Variants in FANCC observed in about 807,000 individuals in gnomAD.
FANCC encodes the protein FA complementation group C.
Under a neutral mutation model 71.3 loss-of-function variants are expected in FANCC, and 55 were observed. That is an observed-to-expected ratio of 0.77 (90% CI 0.62 to 0.97). FANCC has a LOEUF of 0.97. Ranked by LOEUF, FANCC falls within the 50% of genes least tolerant of loss-of-function variation. The probability of loss-of-function intolerance (pLI) is 0.00; values close to 1 mark genes in which losing one functional copy is unlikely to be tolerated. For missense variants in FANCC, 678 were observed against 670.9 expected, an observed-to-expected ratio of 1.01 and a Z score of -0.12; for synonymous variants, 275 against 244.9, an observed-to-expected ratio of 1.12 and a Z score of -1.15.
At chr9:95,161,406 A>G (rs888462776) in intron 6 of FANCC, among the ~76,000 whole-genome samples, 3 of 152,208 alleles carry the variant, frequency 2.0e-5, no homozygotes, top group Non-Finnish European at 2.9e-5. Flanking sequence ...TGATCTTCCC[A>G]TAATTATTGG....
chr9:95,279,349 A>G (rs543560134), intron 1 of FANCC, among the ~76,000 whole-genome samples: 120 of 151,518 alleles, frequency 7.9e-4, no homozygotes, highest in African/African-American at 2.8e-3. Context: ...AATCAAAAAT[A>G]GAAAAATTAG....
chr9:95,238,756 A>G (rs1403210498), intron 4 of FANCC, among the ~76,000 whole-genome samples: 2 of 151,946 alleles, frequency 1.3e-5, no homozygotes, highest in Non-Finnish European at 2.9e-5. Context: ...TAGTAGAGAC[A>G]AGGTTTCACC....
chr9:95,281,403 AT>A (rs1451873822), intron 1 of FANCC, among the ~76,000 whole-genome samples: 11 of 152,124 alleles, frequency 7.2e-5, no homozygotes, highest in Non-Finnish European at 7.4e-5. Flanking sequence ...AGAAAAAAAA[AT>A]TAAAACTATC....
intron 1 of FANCC, among the ~76,000 whole-genome samples, chr9:95,267,954 G>C (rs1832485475): frequency 6.6e-6 from 1 of 152,170 alleles, no homozygotes; most frequent in African/African-American, 2.4e-5. Flanking sequence ...CACATCACTG[G>C]ATCTGCAGCA....
intron 4 of FANCC, among the ~76,000 whole-genome samples, chr9:95,202,037 G>A (rs1304669487): frequency 2.0e-5 from 3 of 152,138 alleles, no homozygotes; most frequent in Non-Finnish European, 2.9e-5. Context: ...TATAATCTTG[G>A]AAGAAAACTG....
chr9:95,316,869 G>A (rs568743438), intron 1 of FANCC: 1 of 152,332 alleles, frequency 6.6e-6, no homozygotes, highest in South Asian at 2.1e-4. Context: ...ATATGGCCTG[G>A]CGTCCACAAA....
intron 13 of FANCC, among the ~76,000 whole-genome samples, chr9:95,109,919 C>T (rs369862314): frequency 6.6e-6 from 1 of 152,198 alleles, no homozygotes; most frequent in African/African-American, 2.4e-5. Context: ...ACGTATCATT[C>T]ATTAAACTAA....
At chr9:95,268,024 T>C (rs1024508839) in intron 1 of FANCC, among the ~76,000 whole-genome samples, 7 of 152,202 alleles carry the variant, frequency 4.6e-5, no homozygotes, top group African/African-American at 1.4e-4. Flanking sequence ...ACCTGGCTGG[T>C]AGCCTTTCGA....
chr9:95,120,257 T>C (rs1326177848), intron 10 of FANCC, among the ~76,000 whole-genome samples: 1 of 152,216 alleles, frequency 6.6e-6, no homozygotes, highest in African/African-American at 2.4e-5. Flanking sequence ...CAGCATCATT[T>C]GTTGAAAACG....
rs4647397 is a variant in FANCC at position 95,286,392 on chromosome 9, G to T, written c.-79+31134C>A. Among the ~76,000 whole-genome samples, 507 of 152,262 alleles carry T rather than the reference G, an allele frequency of 3.3e-3. 9 individuals are homozygous for T. In the East Asian group the frequency reaches 0.044, roughly 13 times the overall value. On this transcript the variant is annotated intron_variant, in intron 1 of 14. Coordinates refer to ENST00000289081, the MANE Select transcript of FANCC (RefSeq NM_000136.3). Reference sequence around the variant, plus strand: ...GTCTGGTGTAGGGGCTTCCAGGAAAGATTTCCTTGCTCCTTACAGGAAAAA... The same window carrying T: ...GTCTGGTGTAGGGGCTTCCAGGAAATATTTCCTTGCTCCTTACAGGAAAAA...
intron 4 of FANCC, among the ~76,000 whole-genome samples, chr9:95,216,020 T>C (rs922935222): frequency 6.6e-6 from 1 of 152,226 alleles, no homozygotes; most frequent in Non-Finnish European, 1.5e-5. Flanking sequence ...ATAATTATAT[T>C]ACATAGAAAT....
chr9:95,131,816 A>C (rs1278149875), intron 8 of FANCC, among the ~76,000 whole-genome samples: 1 of 152,128 alleles, frequency 6.6e-6, no homozygotes, highest in Non-Finnish European at 1.5e-5. Context: ...ATATTTTACC[A>C]AGGAGGAGCT....
intron 4 of FANCC, among the ~76,000 whole-genome samples, chr9:95,201,915 C>G (rs1477960314): frequency 2.0e-5 from 3 of 152,202 alleles, no homozygotes; most frequent in East Asian, 3.8e-4. Context: ...AAACCTCAGA[C>G]TGGTGATATT....
At chr9:95,293,655 T>C in intron 1 of FANCC, 1 of 1,614,206 alleles carries the variant, frequency 6.2e-7, no homozygotes, top group Non-Finnish European at 8.5e-7. Flanking sequence ...CTCTGTGTCG[T>C]CTTGTTCTCA....
At chr9:95,171,459 G>GA (rs766110813) in intron 5 of FANCC, among the ~76,000 whole-genome samples, 3,335 of 129,858 alleles carry the variant, frequency 0.026, 127 homozygotes, top group African/African-American at 0.083. Flanking sequence ...CAGTTCATTT[G>GA]AAAAAAAAAA....
At position 95,258,673 on chromosome 9, in the gene FANCC, T is replaced by C. The variant is rs532454749; in HGVS notation, c.-78-9304A>G. Among the ~76,000 whole-genome samples, 4 of 152,308 alleles carry C rather than the reference T, an allele frequency of 2.6e-5. 1 individual carries two copies. In the South Asian group the frequency reaches 8.3e-4, roughly 32 times the overall value. On this transcript the variant is annotated intron_variant, in intron 1 of 14. Coordinates refer to ENST00000289081, the MANE Select transcript of FANCC (RefSeq NM_000136.3). ...CTCACCACTCCTGTTCAACATAGTA[T>C]CGGAAATTCTGGCCAGGGCAATCAG...
rs1225234701 is a variant in FANCC at position 95,114,448 on chromosome 9, G to C, written c.1154+181C>G. On this transcript the variant is annotated intron_variant, in intron 12 of 14. Coordinates refer to ENST00000289081, the MANE Select transcript of FANCC (RefSeq NM_000136.3). ...TGCGCATGCCTATTCATCCTGACCT[G>C]CTCCAAGCCATCCGTGCAGCCATGC... is the stretch of plus-strand genomic sequence containing the variant. 3 of 702,048 alleles carry C rather than the reference G, an allele frequency of 4.3e-6. No homozygotes were observed. The African/African-American group carries it at 5.2e-5, about 12-fold the overall frequency. 43.5% of individuals were successfully genotyped at this position (702,048 alleles called of 1,614,324 possible).
At chr9:95,299,192 TG>T (rs770386276) in intron 1 of FANCC, among the ~76,000 whole-genome samples, 1 of 152,228 alleles carries the variant, frequency 6.6e-6, no homozygotes, top group Non-Finnish European at 1.5e-5. Context: ...TAACTAGTTT[TG>T]AAAATCTACT....
At chr9:95,246,230 G>A (rs1830970022) in intron 3 of FANCC, among the ~76,000 whole-genome samples, 1 of 152,150 alleles carries the variant, frequency 6.6e-6, no homozygotes, top group Admixed American at 6.5e-5. Flanking sequence ...AGGGGTTGGG[G>A]GAAGAGGTAT....
Sources: allele counts gnomAD v4.1 joint callset (sites outside exome capture counted in the v4.1 genomes callset), GRCh38; gene constraint gnomAD v4.1.1; transcripts MANE v1.5; gene names NCBI Gene and HGNC (gene_info 2026-07-23, HGNC 2026-07-21).